The following LRRTM4 variants were observed in gnomAD, a reference collection of about 807,000 sequenced individuals.
LRRTM4 encodes leucine rich repeat transmembrane neuronal 4.
LRRTM4 carries 25 observed loss-of-function variants against 47.6 expected under a neutral mutation model. The observed-to-expected ratio is 0.53, with a 90% CI of 0.38 to 0.73. The LOEUF (loss-of-function observed/expected upper bound fraction) is 0.73, where lower values mean the gene tolerates loss of function less well. LRRTM4 is among the 30% of genes least tolerant of loss of function. LRRTM4 has a pLI of 0.00. For missense variants in LRRTM4, 638 were observed against 713.4 expected (o/e 0.89, Z 1.20); for synonymous variants, 311 against 269.5 (o/e 1.15, Z -1.51).
intron 3 of LRRTM4, among the ~76,000 whole-genome samples, chr2:77,038,972 G>T (rs1282040365): frequency 6.6e-6 from 1 of 151,188 alleles, no homozygotes; most frequent in Non-Finnish European, 1.5e-5. Context: ...CACAGCAATT[G>T]CAATACTAAA....
chr2:77,164,429 G>T (rs1672822343), intron 3 of LRRTM4, among the ~76,000 whole-genome samples: 1 of 152,114 alleles, frequency 6.6e-6, no homozygotes, highest in Non-Finnish European at 1.5e-5. Context: ...GGATACCCAG[G>T]AATTGAATTC....
chr2:77,271,793 A>G (rs890345187), intron 3 of LRRTM4, among the ~76,000 whole-genome samples: 1 of 152,158 alleles, frequency 6.6e-6, no homozygotes, highest in Non-Finnish European at 1.5e-5. Context: ...TTATCAGAAG[A>G]TTAAATTTTT....
intron 3 of LRRTM4, among the ~76,000 whole-genome samples, chr2:77,070,850 C>T (rs559518817): frequency 1.7e-4 from 26 of 152,074 alleles, no homozygotes; most frequent in African/African-American, 4.3e-4. Context: ...AGGCTGGTCT[C>T]GAACTCCTGA....
At chr2:76,915,070 A>G (rs967702594) in intron 3 of LRRTM4, among the ~76,000 whole-genome samples, 2 of 152,210 alleles carry the variant, frequency 1.3e-5, no homozygotes, top group African/African-American at 4.8e-5. Context: ...ATCTTTGAAA[A>G]CTTTTAAAGT....
At chr2:76,807,493 T>TACAC (rs1670558391) in intron 3 of LRRTM4, among the ~76,000 whole-genome samples, 1 of 144,196 alleles carries the variant, frequency 6.9e-6, no homozygotes, top group African/African-American at 2.5e-5. Context: ...TATACATATA[T>TACAC]ATATATATAG....
intron 3 of LRRTM4, among the ~76,000 whole-genome samples, chr2:76,956,501 A>G (rs1228521111): frequency 6.6e-6 from 1 of 151,312 alleles, no homozygotes. Flanking sequence ...TGCCTACATT[A>G]TAAAAGAAGA....
At chr2:77,378,563 C>T (rs1430814207) in intron 3 of LRRTM4, among the ~76,000 whole-genome samples, 1 of 152,020 alleles carries the variant, frequency 6.6e-6, no homozygotes, top group Non-Finnish European at 1.5e-5. Context: ...ATCCTGGGAC[C>T]TAATTTAGGC....
intron 3 of LRRTM4, among the ~76,000 whole-genome samples, chr2:77,467,157 G>A (rs990017073): frequency 1.3e-5 from 2 of 152,142 alleles, no homozygotes; most frequent in African/African-American, 4.8e-5. Flanking sequence ...TTAAGGAGAA[G>A]GAGTTGAATA....
chr2:77,092,710 G>A (rs199532165), intron 3 of LRRTM4, among the ~76,000 whole-genome samples: 25,357 of 124,892 alleles, frequency 0.2, 4,018 homozygotes, highest in African/African-American at 0.52. Context: ...GAAGGCCACC[G>A]CAGTCATTTC....
chr2:76,820,440 C>T (rs774051958), intron 3 of LRRTM4, among the ~76,000 whole-genome samples: 26 of 151,702 alleles, frequency 1.7e-4, no homozygotes, highest in Non-Finnish European at 2.9e-4. Context: ...AAAATTGTTC[C>T]AGGACACTAT....
intron 3 of LRRTM4, among the ~76,000 whole-genome samples, chr2:77,406,842 T>C (rs562469338): frequency 1.3e-5 from 2 of 152,198 alleles, no homozygotes; most frequent in African/African-American, 4.8e-5. Flanking sequence ...AATACTGGAA[T>C]ACAGTAATCT....
At chr2:76,888,845 C>G (rs1172806857) in intron 3 of LRRTM4, among the ~76,000 whole-genome samples, 1 of 151,720 alleles carries the variant, frequency 6.6e-6, no homozygotes, top group Non-Finnish European at 1.5e-5. Context: ...GTTAATTAAG[C>G]CAGTAGTTAT....
chr2:77,485,159 A>G (rs977866708), intron 3 of LRRTM4, among the ~76,000 whole-genome samples: 2 of 151,992 alleles, frequency 1.3e-5, no homozygotes, highest in Non-Finnish European at 2.9e-5. Context: ...AATATAAAAT[A>G]TAAATATAAA....
intron 3 of LRRTM4, among the ~76,000 whole-genome samples, chr2:77,316,979 A>G (rs9808238): frequency 0.24 from 36,498 of 152,060 alleles, 4,991 homozygotes; most frequent in East Asian, 0.42. Flanking sequence ...GTTTTTCCTA[A>G]CTATATTTCT....
chr2:76,799,834 A>G (rs1478744483), intron 3 of LRRTM4, among the ~76,000 whole-genome samples: 2 of 145,030 alleles, frequency 1.4e-5, no homozygotes, highest in East Asian at 2.1e-4. Flanking sequence ...CCAAATCATG[A>G]GTGAACTCCC....
chr2:77,217,279 G>C (rs1432610435), intron 3 of LRRTM4, among the ~76,000 whole-genome samples: 1 of 149,960 alleles, frequency 6.7e-6, no homozygotes, highest in Non-Finnish European at 1.5e-5. Flanking sequence ...AGAATTTTGA[G>C]GTTAACCTAC....
At chr2:76,827,953 T>C (rs768182262) in intron 3 of LRRTM4, among the ~76,000 whole-genome samples, 4 of 151,936 alleles carry the variant, frequency 2.6e-5, no homozygotes, top group Non-Finnish European at 4.4e-5. Context: ...AATAATAATT[T>C]TCAAAATACA....
Position 77,519,359 on chromosome 2 carries a change from C to A in LRRTM4, c.510G>T (p.Lys170Asn). The change falls in exon 3 of 4, where the codon AAG becomes AAT. Residue 170 changes from lysine to asparagine, a missense_variant. Physicochemically the swap from Lys to Asn is moderately conservative, Grantham distance 94 (BLOSUM62 0). Coordinates refer to ENST00000409884, the MANE Select transcript of LRRTM4 (RefSeq NM_001134745.3). The surrounding 1 kb of genome is among the most constrained non-coding windows in gnomAD (Gnocchi z 4.6). Reference sequence around the variant, plus strand: ...CTTGAAAAACTCTTATGGGCACAGTCTTTAGTGAGTTAGATCTCAAGTGCA... The same window carrying A: ...CTTGAAAAACTCTTATGGGCACAGTATTTAGTGAGTTAGATCTCAAGTGCA... ...IILHLRSNSL[K>N]TVPIRVFQDC... 1 of 1,613,348 alleles carries A rather than the reference C, an allele frequency of 6.2e-7. No individual in the cohort carries two copies. Among genetic ancestry groups the A allele is most frequent in the Non-Finnish European group, 8.5e-7 (1 of 1,179,592 alleles).
At chr2:76,848,941 A>T (rs528221021) in intron 3 of LRRTM4, among the ~76,000 whole-genome samples, 22 of 152,126 alleles carry the variant, frequency 1.4e-4, no homozygotes, top group Non-Finnish European at 2.9e-4. Flanking sequence ...CACTTTGAGG[A>T]ATCCTGATTA....
Sources: allele counts gnomAD v4.1 joint callset (sites outside exome capture counted in the v4.1 genomes callset), GRCh38; gene constraint gnomAD v4.1.1; non-coding constraint Gnocchi (gnomAD v3.1); transcripts MANE v1.5; gene names NCBI Gene and HGNC (gene_info 2026-07-23, HGNC 2026-07-21).